ATP10A: variants seen among roughly 807,000 people sequenced by gnomAD.
ATP10A encodes the protein phospholipid-transporting ATPase VA.
In ATP10A, 111 loss-of-function variants were observed where a neutral mutation model predicts 147.8. The ratio of observed to expected loss-of-function variants is 0.75; its 90% confidence interval spans 0.64 to 0.88. The LOEUF is 0.88. ATP10A is among the 40% of genes least tolerant of loss of function. ATP10A has a pLI of 0.00. For missense variants in ATP10A, 1,927 were observed against 1,959.0 expected (o/e 0.98, Z 0.31); for synonymous variants, 875 against 841.6 (o/e 1.04, Z -0.69).
intron 1 of ATP10A, among the ~76,000 whole-genome samples, chr15:25,838,921 G>C (rs1439468707): frequency 6.6e-6 from 1 of 152,162 alleles, no homozygotes; most frequent in Non-Finnish European, 1.5e-5. Context: ...CACCTGCCCC[G>C]AGTTCACTGT....
In ATP10A at chr15:25,781,176, C is replaced by G; in HGVS notation, c.497G>C (p.Gly166Ala). 1.2e-6 allele frequency: 2 copies of G among 1,614,168 alleles called. No individual in the cohort carries two copies. Among genetic ancestry groups the G allele is most frequent in the Non-Finnish European group, 1.7e-6 (2 of 1,180,020 alleles). Residue 166 changes from glycine (G) to alanine (A), a missense_variant, in exon 2 of 21, where the codon GGA (glycine) becomes GCA (alanine). Gly to Ala is a moderately conservative substitution (Grantham distance 60). Transcript: ENST00000555815. ...VNRFWKEIHV[G>A]DFVRLRCNEI... ...GTTGCAGCGAAGACGCACAAAGTCT[C>G]CCACGTGGATTTCTTTCCAGAATCG...
intron 1 of ATP10A, among the ~76,000 whole-genome samples, chr15:25,812,052 C>A (rs1179105193): frequency 6.6e-6 from 1 of 152,248 alleles, no homozygotes; most frequent in African/African-American, 2.4e-5. Context: ...ATGGCGCAAA[C>A]ACGCTCCCCT....
intron 9 of ATP10A, among the ~76,000 whole-genome samples, chr15:25,716,433 C>CT (rs1901811584): frequency 6.6e-6 from 1 of 152,172 alleles, no homozygotes; most frequent in African/African-American, 2.4e-5. Context: ...TGAGGCTGGC[C>CT]TATCTGGCTG....
chr15:25,713,562 G>T, intron 10 of ATP10A, 112 bp downstream of exon 10: 1 of 1,131,002 alleles, frequency 8.8e-7, no homozygotes, highest in Non-Finnish European at 1.3e-6. Flanking sequence ...GGGCATTTCT[G>T]TTGGAAAAGG....
At chr15:25,787,645 AAAAAG>A (rs2140732587) in intron 1 of ATP10A, among the ~76,000 whole-genome samples, 2 of 151,938 alleles carry the variant, frequency 1.3e-5, no homozygotes, top group South Asian at 2.1e-4. Context: ...AAAGAAAAAG[AAAAAG>A]AAAAGAAAAA....
At chr15:25,737,907 A>G (rs1305863410) in intron 2 of ATP10A, among the ~76,000 whole-genome samples, 1 of 152,152 alleles carries the variant, frequency 6.6e-6, no homozygotes, top group African/African-American at 2.4e-5. Flanking sequence ...AGAGGCCTCA[A>G]AAGAAACCAT....
intron 1 of ATP10A, among the ~76,000 whole-genome samples, chr15:25,785,729 C>T (rs891754204): frequency 2.6e-5 from 4 of 152,200 alleles, no homozygotes; most frequent in Admixed American, 2.0e-4. Flanking sequence ...AGGCTTTTAT[C>T]AGCACGGACC....
chr15:25,690,867 G>A (rs558365019), intron 15 of ATP10A, among the ~76,000 whole-genome samples: 45 of 152,278 alleles, frequency 3.0e-4, no homozygotes, highest in Non-Finnish European at 3.7e-4. Flanking sequence ...GTCAGATGAC[G>A]GCGGGGGGAG....
chr15:25,835,604 C>T (rs894639606), intron 1 of ATP10A, among the ~76,000 whole-genome samples: 4 of 152,110 alleles, frequency 2.6e-5, no homozygotes, highest in Non-Finnish European at 5.9e-5. Context: ...TCCTTGGGCA[C>T]AGCCTCCTCC....
intron 1 of ATP10A, among the ~76,000 whole-genome samples, chr15:25,839,791 C>T (rs1411012399): frequency 6.6e-6 from 1 of 152,156 alleles, no homozygotes; most frequent in Non-Finnish European, 1.5e-5. Flanking sequence ...AGGGAGGTCC[C>T]ATGCACCCTT....
intron 3 of ATP10A, among the ~76,000 whole-genome samples, chr15:25,731,526 G>C (rs1218208373): frequency 6.6e-6 from 1 of 152,162 alleles, no homozygotes; most frequent in Non-Finnish European, 1.5e-5. Context: ...TGTGGCTTCA[G>C]AGGTGACCAC....
intron 2 of ATP10A, among the ~76,000 whole-genome samples, chr15:25,755,027 C>CT (rs1194480526): frequency 6.6e-6 from 1 of 152,172 alleles, no homozygotes; most frequent in Non-Finnish European, 1.5e-5. Flanking sequence ...CCCACTTTGT[C>CT]TGAATATTCA....
chr15:25,833,572 G>A (rs1322986506), intron 1 of ATP10A, among the ~76,000 whole-genome samples: 1 of 152,170 alleles, frequency 6.6e-6, no homozygotes, highest in South Asian at 2.1e-4. Flanking sequence ...CAGTGGAATG[G>A]CTAAATCAAG....
chr15:25,834,695 C>T (rs945111112), intron 1 of ATP10A, among the ~76,000 whole-genome samples: 8 of 152,102 alleles, frequency 5.3e-5, no homozygotes, highest in South Asian at 2.1e-4. Context: ...TTCATAGTAG[C>T]CAAAAGTAGA....
At chr15:25,761,666 T>C (rs1264273284) in intron 2 of ATP10A, among the ~76,000 whole-genome samples, 3 of 152,250 alleles carry the variant, frequency 2.0e-5, no homozygotes, top group Non-Finnish European at 4.4e-5. Context: ...GACTGCCCTA[T>C]GGATTTTGGA....
chr15:25,680,100 C>T (rs764554660), intron 20 of ATP10A, 21 bp downstream of exon 20: 1 of 1,610,338 alleles, frequency 6.2e-7, no homozygotes, highest in Admixed American at 1.7e-5. Flanking sequence ...CTCAGAGGCA[C>T]TATCCCGCTC....
chr15:25,823,272 C>T (rs943761930), intron 1 of ATP10A, among the ~76,000 whole-genome samples: 3 of 152,030 alleles, frequency 2.0e-5, no homozygotes, highest in African/African-American at 4.8e-5. Context: ...GCAACAGTAT[C>T]GATGATAGTA....
chr15:25,806,464 C>A (rs1409917227), intron 1 of ATP10A, among the ~76,000 whole-genome samples: 1 of 152,060 alleles, frequency 6.6e-6, no homozygotes, highest in Non-Finnish European at 1.5e-5. Flanking sequence ...AGGCGCCTGC[C>A]ACCACGCCCA....
intron 1 of ATP10A, among the ~76,000 whole-genome samples, chr15:25,829,775 C>T (rs988802013): frequency 6.6e-5 from 10 of 151,966 alleles, no homozygotes; most frequent in Non-Finnish European, 1.2e-4. Context: ...GAGGCCAAGG[C>T]GTAGTGGGAT....
Sources: gnomAD v4.1 joint callset for allele counts (sites outside exome capture counted in the v4.1 genomes callset) on GRCh38, gnomAD v4.1.1 for gene constraint, MANE v1.5 for transcripts, NCBI Gene and HGNC (gene_info 2026-07-23, HGNC 2026-07-21) for gene names.